MMRN2: variants seen among roughly 807,000 people sequenced by gnomAD.
MMRN2 encodes multimerin-2.
A neutral mutation model predicts 68.8 loss-of-function variants in MMRN2; 53 were observed. That is an observed-to-expected ratio of 0.77 (90% CI 0.62 to 0.97). MMRN2 has a LOEUF of 0.97. Among genes scored for constraint, MMRN2 ranks in the 50% least tolerant of loss-of-function variants. The pLI is 0.00. For missense variants in MMRN2, 1,266 were observed against 1,259.5 expected (o/e 1.01, Z -0.08); for synonymous variants, 564 against 551.6 (o/e 1.02, Z -0.32).
Position 86,942,937 on chromosome 10 carries a change from T to C in MMRN2, c.1847A>G (p.Glu616Gly), listed in dbSNP as rs1843998047. 2.0e-6 allele frequency: 3 copies of C among 1,500,142 alleles called. No homozygotes were observed. The highest frequency in any genetic ancestry group is 2.0e-5 in the Admixed American group (1 of 50,072). 92.9% of individuals were successfully genotyped at this position (1,500,142 alleles called of 1,614,324 possible). A position where few individuals can be genotyped will look rare whatever the true frequency, so the allele number is the denominator to read the frequency against. Residue 616 changes from glutamate (E) to glycine (G), a missense_variant, in exon 6 of 7, where the codon GAG (glutamate) becomes GGG (glycine). Transcript: ENST00000372027. ...HEAVLAALFG[E>G]EVLEEMSEQT... ...CTCAGACATCTCCTCCAGCACCTCC[T>C]CCCCGAAGAGCGCGGCCAGCACCGC...
At chr10:86,941,122 A>G (rs961431822) in intron 6 of MMRN2, among the ~76,000 whole-genome samples, 1 of 152,168 alleles carries the variant, frequency 6.6e-6, no homozygotes, top group Non-Finnish European at 1.5e-5. Context: ...ACCTGTTGGG[A>G]TGGGCCATTG....
Position 86,942,746 on chromosome 10 carries a change from G to C in MMRN2, c.2038C>G (p.Pro680Ala). Residue 680 changes from proline to alanine, a missense_variant, in exon 6 of 7, where the codon CCC (proline) becomes GCC (alanine). By Grantham distance (27) the Pro-to-Ala change is conservative (BLOSUM62 -1). Coordinates refer to ENST00000372027, the MANE Select transcript of MMRN2 (RefSeq NM_024756.3). ...TCCTCGCGGCCCGCGTCGTGGCTGG[G>C]CTCCAGGTGCTCTGCCGGCCGCGGG... ...EPPRPAEHLE[P>A]SHDAGREEAA... is the part of the protein sequence containing the mutation. The C allele has an allele frequency of 5.7e-6, 8 of 1,393,822 alleles. No individual in the cohort carries two copies. The highest frequency in any genetic ancestry group is 7.4e-6 in the Non-Finnish European group (8 of 1,081,884). The allele number at this position is 1,393,822 out of a possible 1,614,324, so 86.3% of individuals were successfully genotyped here.
At position 86,942,639 on chromosome 10, in the gene MMRN2, G is replaced by C; in HGVS notation, c.2145C>G (p.Cys715Trp). Reference sequence around the variant, plus strand: ...CGGCCCCGGCCCCGGCCTCGGCCTCGCAGCACCGCCCGACATTCTTGACGT... The same window carrying C: ...CGGCCCCGGCCCCGGCCTCGGCCTCCCAGCACCGCCCGACATTCTTGACGT... Reference protein sequence around the residue: ...SNDVKNVGRCCEAEAGAGAAS... With the variant: ...SNDVKNVGRCWEAEAGAGAAS... Residue 715 changes from cysteine (C) to tryptophan (W), a missense_variant, in exon 6 of 7, where the codon TGC (cysteine) becomes TGG (tryptophan). Physicochemically the swap from Cys to Trp is radical, Grantham distance 215. Transcript: ENST00000372027. 7 of 1,599,556 alleles carry C rather than the reference G, an allele frequency of 4.4e-6. No individual in the cohort carries two copies. Among genetic ancestry groups the C allele is most frequent in the Non-Finnish European group, 5.9e-6 (7 of 1,179,080 alleles).
In MMRN2 at chr10:86,936,492, C is replaced by T. The variant is rs200732471; in HGVS notation, c.*251G>A. ...GCCCAGGCCGTGCTGTCTGAGAAGG[C>T]ATGCCAAGCCAAGGTTCAGGCTTCC... On this transcript the variant is annotated 3_prime_UTR_variant, in exon 7 of 7. Transcript: ENST00000372027. 5.1e-5 allele frequency: 29 copies of T among 569,052 alleles called. No homozygotes were observed. In the East Asian group the frequency reaches 8.1e-4, roughly 16 times the overall value. 35.3% of individuals were successfully genotyped at this position (569,052 alleles called of 1,614,324 possible).
chr10:86,936,866 C>T lies in MMRN2; in HGVS notation c.2727G>A (p.Thr909=), dbSNP rs767910078. The change falls in exon 7 of 7, where the codon ACG becomes ACA. Residue 909 remains threonine, a synonymous_variant. Coordinates refer to ENST00000372027, the MANE Select transcript of MMRN2 (RefSeq NM_024756.3). ...TCTGCAGCTCAGCCATGGCAAAGACCGTTGCTGTGCTTCCACTCCCCTGCC... is the reference window on the plus strand; with the variant it reads ...TCTGCAGCTCAGCCATGGCAAAGACTGTTGCTGTGCTTCCACTCCCCTGCC... ...TTGQGSGSTA[T]VFAMAELQKG... is the part of the protein sequence containing the mutation. 5.0e-6 allele frequency: 8 copies of T among 1,614,208 alleles called. No homozygotes were observed. The highest frequency in any genetic ancestry group is 3.3e-5 in the South Asian group (3 of 91,076).
In MMRN2 at chr10:86,942,443, C is replaced by T. The variant is rs754142356; in HGVS notation, c.2341G>A (p.Gly781Arg). 4 of 1,614,218 alleles carry T rather than the reference C, an allele frequency of 2.5e-6. No homozygotes were observed. The Admixed American group carries it at 5.0e-5, about 20-fold the overall frequency. The change falls in exon 6 of 7, where the codon GGG becomes AGG. Residue 781 changes from glycine (G) to arginine (R), a missense_variant. Physicochemically the swap from Gly to Arg is moderately radical, Grantham distance 125. Transcript: ENST00000372027. The stretch of plus-strand genomic sequence containing the variant: ...TCCAGGTCTTTCTGCTGCTTCTTCC[C>T]TTTCCTGCTCAGCATGGTCTGCAGC... ...GKLQTMLSRK[G>R]KKQQKDLEAP...
chr10:86,938,870 T>A (rs1240502002), intron 6 of MMRN2, among the ~76,000 whole-genome samples: 2 of 152,228 alleles, frequency 1.3e-5, no homozygotes, highest in African/African-American at 4.8e-5. Flanking sequence ...GTGTTCAGAT[T>A]GTGTCAAATC....
chr10:86,948,036 C>T (rs753796543), intron 1 of MMRN2, among the ~76,000 whole-genome samples: 1 of 151,950 alleles, frequency 6.6e-6, no homozygotes, highest in South Asian at 2.1e-4. Context: ...GAGTTTGAGT[C>T]CAGCCTGTGC....
chr10:86,950,992 G>T (rs1236626444), intron 1 of MMRN2, among the ~76,000 whole-genome samples: 1 of 152,122 alleles, frequency 6.6e-6, no homozygotes, highest in Non-Finnish European at 1.5e-5. Context: ...GGAGGCTGAG[G>T]CAGGATAATT....
chr10:86,936,541 A>G lies in MMRN2; in HGVS notation c.*202T>C. On this transcript the variant is annotated 3_prime_UTR_variant, in exon 7 of 7. Transcript: ENST00000372027. ...CCTAGGACCATGTCCTGCCCGGAGA[A>G]GCATTCCAGTCCTTCTCATCATGGA... 1.6e-6 allele frequency: 1 copy of G among 637,966 alleles called. No individual in the cohort carries two copies. Among genetic ancestry groups the G allele is most frequent in the Non-Finnish European group, 2.7e-6 (1 of 370,230 alleles). 39.5% of individuals were successfully genotyped at this position (637,966 alleles called of 1,614,324 possible).
In MMRN2 at chr10:86,942,576, T is replaced by G. The variant is rs1014230134; in HGVS notation, c.2208A>C (p.Ala736=). The G allele has an allele frequency of 1.2e-6, 2 of 1,611,936 alleles. No homozygotes were observed. The highest frequency in any genetic ancestry group is 1.3e-5 in the African/African-American group (1 of 74,846). ...LNASLHGLHN[A]LFATQRSLEQ... Reference sequence around the variant, plus strand: ...CCAAGCTGCGCTGAGTGGCGAAGAGTGCGTTGTGGAGGCCGTGAAGGGAGG... The same window carrying G: ...CCAAGCTGCGCTGAGTGGCGAAGAGGGCGTTGTGGAGGCCGTGAAGGGAGG... The change falls in exon 6 of 7, where the codon GCA becomes GCC. Residue 736 remains alanine, a synonymous_variant. Coordinates refer to ENST00000372027, the MANE Select transcript of MMRN2 (RefSeq NM_024756.3).
rs1278231264 is a variant in MMRN2, at chr10:86,942,888, C to T, written c.1896G>A (p.Leu632=). The change falls in exon 6 of 7, where the codon CTG becomes CTA. Residue 632 remains leucine (L), a synonymous_variant. Coordinates refer to ENST00000372027, the MANE Select transcript of MMRN2 (RefSeq NM_024756.3). ...GGGCCACGCGGATCTGCTCGTAGCT[C>T]AGGGGCAGCGGTCCCGGCGTCTGCT... ...MSEQTPGPLP[L]SYEQIRVALQ... is the part of the protein sequence containing the mutation. The T allele has an allele frequency of 2.1e-6, 3 of 1,448,678 alleles. No homozygotes were observed. In the African/African-American group the frequency reaches 4.4e-5, roughly 21 times the overall value. The allele number at this position is 1,448,678 out of a possible 1,614,324, so 89.7% of individuals were successfully genotyped here. A position where few individuals can be genotyped will look rare whatever the true frequency, so the allele number is the denominator to read the frequency against.
rs1247053701 is a variant in MMRN2, at chr10:86,936,552, C to G, written c.*191G>C. ...GTCCTGCCCGGAGAAGCATTCCAGT[C>G]CTTCTCATCATGGAGAAATGGCCAA... On this transcript the variant is annotated 3_prime_UTR_variant, in exon 7 of 7. Coordinates refer to ENST00000372027, the MANE Select transcript of MMRN2 (RefSeq NM_024756.3). 1 of 664,144 alleles carries G rather than the reference C, an allele frequency of 1.5e-6. No individual in the cohort carries two copies. The highest frequency in any genetic ancestry group is 2.6e-6 in the Non-Finnish European group (1 of 390,362). 41.1% of individuals were successfully genotyped at this position (664,144 alleles called of 1,614,324 possible). A position where few individuals can be genotyped will look rare whatever the true frequency, so the allele number is the denominator to read the frequency against.
intron 1 of MMRN2, among the ~76,000 whole-genome samples, chr10:86,951,133 A>T (rs771371985): frequency 6.6e-6 from 1 of 152,216 alleles, no homozygotes; most frequent in Non-Finnish European, 1.5e-5. Flanking sequence ...GTAGCAATGC[A>T]AGCATGTTCT....
rs767823427 is a variant in MMRN2 at position 86,936,789 on chromosome 10, C to A, written c.2804G>T (p.Ser935Ile). The A allele has an allele frequency of 2.5e-6, 4 of 1,614,084 alleles. No homozygotes were observed. Among genetic ancestry groups the A allele is most frequent in the Admixed American group, 1.7e-5 (1 of 60,012 alleles). Residue 935 changes from serine (S) to isoleucine (I), a missense_variant, in exon 7 of 7, where the codon AGC (serine) becomes ATC (isoleucine). By Grantham distance (142) the Ser-to-Ile change is moderately radical. Transcript: ENST00000372027. ...GCCCCCAAATGCAGTGCCCGACAGG[C>A]TTCTCTTTGTTATTGATCCCTGGGT... ...ELTQGSITKR[S>I]LSGTAFGGFL...
intron 1 of MMRN2, chr10:86,949,696 C>A (rs1262415145): frequency 6.6e-6 from 1 of 150,560 alleles, no homozygotes; most frequent in Non-Finnish European, 1.5e-5. Flanking sequence ...GCAAACATGG[C>A]AAAACCTTGT....
chr10:86,944,486 A>G (rs752149748), intron 4 of MMRN2, 51 bp from the exon 5 acceptor site: 63 of 1,594,250 alleles, frequency 4.0e-5, no homozygotes, highest in Non-Finnish European at 5.2e-5. Context: ...CAGGCCTGGG[A>G]AGATCACAAG....
chr10:86,941,406 C>A (rs1843961352), intron 6 of MMRN2, among the ~76,000 whole-genome samples: 1 of 152,150 alleles, frequency 6.6e-6, no homozygotes, highest in Non-Finnish European at 1.5e-5. Context: ...GCAATTATAA[C>A]AGTATACTGT....
intron 1 of MMRN2, among the ~76,000 whole-genome samples, chr10:86,946,381 C>A (rs777279615): frequency 3.9e-5 from 6 of 152,224 alleles, no homozygotes; most frequent in African/African-American, 1.4e-4. Flanking sequence ...CTGGCCATGC[C>A]CATTAGGACC....
Sources: allele counts gnomAD v4.1 joint callset (sites outside exome capture counted in the v4.1 genomes callset), GRCh38; gene constraint gnomAD v4.1.1; transcripts MANE v1.5; gene names NCBI Gene and HGNC (gene_info 2026-07-23, HGNC 2026-07-21).